Variants in RABGAP1L observed in about 807,000 individuals in gnomAD.
RABGAP1L encodes the protein rab GTPase-activating protein 1-like.
Under a neutral mutation model 137.7 loss-of-function variants are expected in RABGAP1L, and 63 were observed. The ratio of observed to expected loss-of-function variants is 0.46; its 90% CI spans 0.37 to 0.56. The LOEUF is 0.56. RABGAP1L is among the 20% of genes least tolerant of loss of function. The pLI, the probability that RABGAP1L is intolerant of heterozygous loss-of-function variation, is 0.00. For synonymous variants in RABGAP1L, 431 were observed against 433.7 expected (o/e 0.99, Z 0.08); for missense variants, 1,095 against 1,244.0 (o/e 0.88, Z 1.80).
chr1:174,853,227 TG>T (rs998398819), intron 19 of RABGAP1L, among the ~76,000 whole-genome samples: 6 of 127,608 alleles, frequency 4.7e-5, no homozygotes, highest in Non-Finnish European at 7.8e-5. Flanking sequence ...GAGGCTGGGT[TG>T]TTTTTTTTTT....
chr1:174,968,012 C>A (rs1417463258), intron 20 of RABGAP1L, among the ~76,000 whole-genome samples: 28 of 151,478 alleles, frequency 1.8e-4, no homozygotes, highest in Admixed American at 1.8e-3. Flanking sequence ...CTCTGACAGC[C>A]TTCCCTGTTT....
chr1:174,322,823 G>A (rs529563266), intron 11 of RABGAP1L, among the ~76,000 whole-genome samples: 1 of 152,230 alleles, frequency 6.6e-6, no homozygotes, highest in Non-Finnish European at 1.5e-5. Context: ...TAGAAGCTGT[G>A]CACATTATTT....
chr1:174,640,946 T>C (rs1674482672), intron 14 of RABGAP1L, among the ~76,000 whole-genome samples: 2 of 145,286 alleles, frequency 1.4e-5, no homozygotes, highest in African/African-American at 5.0e-5. Context: ...ATATTAAATA[T>C]AATATAATAT....
chr1:174,946,942 GT>G (rs1666941486), intron 19 of RABGAP1L, among the ~76,000 whole-genome samples: 1 of 46,138 alleles, frequency 2.2e-5, no homozygotes, highest in Non-Finnish European at 4.1e-5. Flanking sequence ...ATATATATAT[GT>G]GTGTGTGTGT....
chr1:174,262,106 C>T (rs1051432130), intron 7 of RABGAP1L, among the ~76,000 whole-genome samples: 37 of 152,164 alleles, frequency 2.4e-4, no homozygotes, highest in African/African-American at 8.9e-4. Flanking sequence ...TTTCATTATT[C>T]TCTGTTAATG....
Position 174,419,248 on chromosome 1 carries a change from C to T in RABGAP1L, c.1710+25103C>T, listed in dbSNP as rs1177552197. ...GTTTAATGTGCATTCAAACCACCTGCGGATCTTGTTAAAATGCAAATTCAG... is the reference window on the plus strand; with the variant it reads ...GTTTAATGTGCATTCAAACCACCTGTGGATCTTGTTAAAATGCAAATTCAG... On this transcript the variant is annotated intron_variant, in intron 13 of 25. Transcript: ENST00000681986. Among the ~76,000 whole-genome samples the T allele has an allele frequency of 3.9e-5, 6 of 152,296 alleles. No individual in the cohort carries two copies. In the East Asian group the frequency reaches 5.8e-4, roughly 15 times the overall value.
At position 174,241,608 on chromosome 1, in the gene RABGAP1L, G is replaced by A; in HGVS notation, c.668G>A (p.Gly223Asp). 1 of 1,613,890 alleles carries A rather than the reference G, an allele frequency of 6.2e-7. No individual in the cohort carries two copies. Among genetic ancestry groups the A allele is most frequent in the Non-Finnish European group, 8.5e-7 (1 of 1,179,924 alleles). ...NCFAFTESSH[G>D]SEEFQIHVFS... Reference sequence around the variant, plus strand: ...TTTGCATTTACAGAGAGTTCCCATGGTTCGGAAGAATTTCAGATACATGTT... The same window carrying A: ...TTTGCATTTACAGAGAGTTCCCATGATTCGGAAGAATTTCAGATACATGTT... The change falls in exon 5 of 26, where the codon GGT becomes GAT. Residue 223 changes from glycine to aspartate, a missense_variant. Physicochemically the swap from Gly to Asp is moderately conservative, Grantham distance 94. Coordinates refer to ENST00000681986, the MANE Select transcript of RABGAP1L (RefSeq NM_001366446.1).
intron 18 of RABGAP1L, among the ~76,000 whole-genome samples, chr1:174,770,245 T>A (rs1223933391): frequency 6.6e-6 from 1 of 152,206 alleles, no homozygotes; most frequent in Non-Finnish European, 1.5e-5. Context: ...TTCAGTTTGA[T>A]GATAGGTTAG....
intron 19 of RABGAP1L, among the ~76,000 whole-genome samples, chr1:174,844,040 C>T (rs1271860022): frequency 6.6e-6 from 1 of 150,442 alleles, no homozygotes; most frequent in East Asian, 2.0e-4. Context: ...TGAGAAGTGT[C>T]TGTTCATGTC....
chr1:174,837,616 A>T (rs1438261436), intron 19 of RABGAP1L, among the ~76,000 whole-genome samples: 1 of 152,234 alleles, frequency 6.6e-6, no homozygotes, highest in African/African-American at 2.4e-5. Context: ...GGGCAAACAA[A>T]TGCTATGCCA....
intron 7 of RABGAP1L, among the ~76,000 whole-genome samples, chr1:174,261,286 G>A (rs1558079702): frequency 6.6e-6 from 1 of 152,030 alleles, no homozygotes; most frequent in Non-Finnish European, 1.5e-5. Flanking sequence ...GATTTGGGGG[G>A]ATACAATCAT....
At chr1:174,797,667 G>C (rs1688364026) in intron 18 of RABGAP1L, among the ~76,000 whole-genome samples, 1 of 134,512 alleles carries the variant, frequency 7.4e-6, no homozygotes, top group African/African-American at 2.8e-5. Context: ...TGTGTGGTGT[G>C]GGGTATGGGG....
intron 10 of RABGAP1L, among the ~76,000 whole-genome samples, chr1:174,283,367 C>G (rs923831919): frequency 6.6e-6 from 1 of 152,026 alleles, no homozygotes; most frequent in Admixed American, 6.6e-5. Context: ...GATCATGCCA[C>G]TTGCACTCCA....
chr1:174,840,229 G>C (rs753803586), intron 19 of RABGAP1L, among the ~76,000 whole-genome samples: 25 of 152,262 alleles, frequency 1.6e-4, no homozygotes, highest in Non-Finnish European at 3.2e-4. Context: ...TAAAATGACA[G>C]AACAAAGATT....
chr1:174,221,515 A>T (rs903811172), intron 3 of RABGAP1L, among the ~76,000 whole-genome samples: 1 of 152,100 alleles, frequency 6.6e-6, no homozygotes, highest in Non-Finnish European at 1.5e-5. Context: ...GTTTCACTAC[A>T]CTTATTTAAA....
chr1:174,661,500 G>T (rs1007845573), intron 14 of RABGAP1L, among the ~76,000 whole-genome samples: 1 of 152,062 alleles, frequency 6.6e-6, no homozygotes, highest in Non-Finnish European at 1.5e-5. Context: ...ATTGTAGTCT[G>T]GGAATATACC....
intron 11 of RABGAP1L, among the ~76,000 whole-genome samples, chr1:174,339,731 C>T (rs1035702092): frequency 5.3e-5 from 8 of 152,012 alleles, no homozygotes; most frequent in African/African-American, 1.4e-4. Flanking sequence ...CTCAGCCTCC[C>T]GAGTAGTTGG....
In RABGAP1L at chr1:174,448,925, A is replaced by G. The variant is rs1318129040; in HGVS notation, c.1710+54780A>G. ...CGCCATGGTTTTGTTTAGGATAACC[A>G]GTGTATTTTATATGCTGTGGCTCCC... On this transcript the variant is annotated intron_variant, in intron 13 of 25. Coordinates refer to ENST00000681986, the MANE Select transcript of RABGAP1L (RefSeq NM_001366446.1). This position sits in a 1 kb window ranked among gnomAD's most constrained non-coding sequence, Gnocchi z 4.2. 3 of 1,613,878 alleles carry G rather than the reference A, an allele frequency of 1.9e-6. No homozygotes were observed. The highest frequency in any genetic ancestry group is 1.3e-5 in the African/African-American group (1 of 74,932).
At chr1:174,736,955 T>A (rs932686989) in intron 17 of RABGAP1L, among the ~76,000 whole-genome samples, 4 of 152,182 alleles carry the variant, frequency 2.6e-5, no homozygotes, top group African/African-American at 9.7e-5. Flanking sequence ...TTCCTAGGCC[T>A]CTCTTCCTAT....
Sources: allele counts gnomAD v4.1 joint callset (sites outside exome capture counted in the v4.1 genomes callset), GRCh38; gene constraint gnomAD v4.1.1; non-coding constraint Gnocchi (gnomAD v3.1); transcripts MANE v1.5; gene names NCBI Gene and HGNC (gene_info 2026-07-23, HGNC 2026-07-21).